Variants in PLPPR1 observed in about 807,000 individuals in gnomAD.
PLPPR1 encodes phospholipid phosphatase-related protein type 1.
A neutral mutation model predicts 33.1 loss-of-function variants in PLPPR1; 10 were observed. That is an observed-to-expected ratio of 0.30 (90% CI 0.19 to 0.51). The LOEUF is 0.51. PLPPR1 is among the 20% of genes least tolerant of loss of function. The probability of loss-of-function intolerance (pLI) is 0.97; values close to 1 mark genes in which losing one functional copy is unlikely to be tolerated. For synonymous variants in PLPPR1, 151 were observed against 151.0 expected, an observed-to-expected ratio of 1.00 and a Z score of 0.00; for missense variants, 304 against 408.1, an observed-to-expected ratio of 0.74 and a Z score of 2.20.
intron 3 of PLPPR1, among the ~76,000 whole-genome samples, chr9:101,276,492 A>G (rs1564024487): frequency 6.6e-6 from 1 of 152,110 alleles, no homozygotes; most frequent in Non-Finnish European, 1.5e-5. Flanking sequence ...TGACTAGATG[A>G]TTATGTTAAG....
At chr9:101,250,065 G>GT (rs1827689835) in intron 2 of PLPPR1, among the ~76,000 whole-genome samples, 1 of 152,066 alleles carries the variant, frequency 6.6e-6, no homozygotes, top group Non-Finnish European at 1.5e-5. Flanking sequence ...TGATAAAAAT[G>GT]TTTTTTAAAT....
At chr9:101,180,527 A>T (rs1826091899) in intron 1 of PLPPR1, among the ~76,000 whole-genome samples, 1 of 151,952 alleles carries the variant, frequency 6.6e-6, no homozygotes, top group Non-Finnish European at 1.5e-5. Context: ...TGGTCCTGGC[A>T]TTAAAAACAG....
At chr9:101,149,086 T>C (rs1386395786) in intron 1 of PLPPR1, among the ~76,000 whole-genome samples, 1 of 152,214 alleles carries the variant, frequency 6.6e-6, no homozygotes, top group African/African-American at 2.4e-5. Flanking sequence ...TGTTATGTAT[T>C]CTTGCAGAAA....
At chr9:101,087,195 T>A (rs898577889) in intron 1 of PLPPR1, among the ~76,000 whole-genome samples, 85 of 149,928 alleles carry the variant, frequency 5.7e-4, no homozygotes, top group African/African-American at 1.7e-3. Flanking sequence ...AAAAAAAAAA[T>A]AAAATAAAAA....
At chr9:101,073,087 A>T (rs1223737972) in intron 1 of PLPPR1, among the ~76,000 whole-genome samples, 1 of 152,178 alleles carries the variant, frequency 6.6e-6, no homozygotes, top group Non-Finnish European at 1.5e-5. Flanking sequence ...AAACAAAGAC[A>T]ATTGGAGAGG....
rs1474731822 is a variant in PLPPR1 at position 101,268,126 on chromosome 9, T to G, written c.64-1754T>G. ...TTGTGGGTAGGGGAGGGGGGAGAGA[T>G]AGCATTAGGAGATATACCTAATGTA... On this transcript the variant is annotated intron_variant, in intron 2 of 7. Coordinates refer to ENST00000374874, the MANE Select transcript of PLPPR1 (RefSeq NM_207299.2). 2.6e-5 allele frequency among the ~76,000 whole-genome samples: 4 copies of G among 151,692 alleles called. No individual in the cohort carries two copies. The East Asian group carries it at 7.7e-4, about 29-fold the overall frequency.
rs1349696756 is a variant in PLPPR1 at position 101,228,236 on chromosome 9, C to G, written c.64-41644C>G. On this transcript the variant is annotated intron_variant, in intron 2 of 7. Transcript: ENST00000374874. ...GAGAAAAATAATGTTGCAAACTCCC[C>G]TCACCCACATGCCCACGGCAGGTGT... is the stretch of plus-strand genomic sequence containing the variant. 4.6e-5 allele frequency among the ~76,000 whole-genome samples: 7 copies of G among 152,248 alleles called. No individual in the cohort carries two copies. In the East Asian group the frequency reaches 1.4e-3, roughly 29 times the overall value.
intron 1 of PLPPR1, among the ~76,000 whole-genome samples, chr9:101,182,894 C>T (rs903497213): frequency 2.0e-5 from 3 of 151,554 alleles, no homozygotes; most frequent in Admixed American, 6.6e-5. Flanking sequence ...TGGAAAGATG[C>T]TCAACATAAT....
intron 1 of PLPPR1, among the ~76,000 whole-genome samples, chr9:101,113,541 T>A (rs1831082721): frequency 6.6e-6 from 1 of 152,176 alleles, no homozygotes; most frequent in Admixed American, 6.5e-5. Flanking sequence ...TACAATTACA[T>A]TCCTAATAGG....
chr9:101,246,107 T>TATATATATAG (rs1827606259), intron 2 of PLPPR1, among the ~76,000 whole-genome samples: 1 of 98,302 alleles, frequency 1.0e-5, no homozygotes, highest in Non-Finnish European at 2.3e-5. Context: ...TATATATATA[T>TATATATATAG]ATAGATAGAT....
intron 6 of PLPPR1, among the ~76,000 whole-genome samples, chr9:101,313,716 T>G (rs907218657): frequency 6.6e-6 from 1 of 152,194 alleles, no homozygotes; most frequent in Admixed American, 6.5e-5. Context: ...TAATTTTTAT[T>G]CTTTTTGCCT....
chr9:101,126,477 A>G (rs529900079), intron 1 of PLPPR1, among the ~76,000 whole-genome samples: 1 of 152,176 alleles, frequency 6.6e-6, no homozygotes, highest in South Asian at 2.1e-4. Flanking sequence ...ACTGCCTGCC[A>G]CGGCGGGAGA....
chr9:101,236,536 T>TCACACACACACACACACACACACA (rs60508436), intron 2 of PLPPR1, among the ~76,000 whole-genome samples: 1 of 148,586 alleles, frequency 6.7e-6, no homozygotes, highest in South Asian at 2.1e-4. Context: ...CTCTCTAAAC[T>TCACACACACACACACACACACACA]CACACACACA....
chr9:101,042,795 G>A (rs945240562), intron 1 of PLPPR1, among the ~76,000 whole-genome samples: 1 of 152,116 alleles, frequency 6.6e-6, no homozygotes, highest in Non-Finnish European at 1.5e-5. Flanking sequence ...AAAAATAATT[G>A]TTTGATTATT....
intron 1 of PLPPR1, among the ~76,000 whole-genome samples, chr9:101,127,977 T>G (rs918905472): frequency 7.9e-5 from 12 of 152,130 alleles, no homozygotes; most frequent in Non-Finnish European, 1.6e-4. Flanking sequence ...CATCAGATAT[T>G]GGGCTGTGTA....
chr9:101,222,999 G>T (rs1295509013), intron 2 of PLPPR1, among the ~76,000 whole-genome samples: 1 of 151,812 alleles, frequency 6.6e-6, no homozygotes, highest in Non-Finnish European at 1.5e-5. Context: ...CCATCTAAGA[G>T]TATGAAGAAA....
At chr9:101,319,791 G>A (rs1157618324) in intron 7 of PLPPR1, among the ~76,000 whole-genome samples, 1 of 152,116 alleles carries the variant, frequency 6.6e-6, no homozygotes, top group East Asian at 1.9e-4. Context: ...TTTTGGGGTG[G>A]TAAAATGAAA....
At chr9:101,180,091 CCTTTATATATATATAT>C (rs1290927363) in intron 1 of PLPPR1, among the ~76,000 whole-genome samples, 1 of 93,874 alleles carries the variant, frequency 1.1e-5, no homozygotes, top group Admixed American at 1.4e-4. Context: ...AATAAACTCT[CCTTTATATATATATAT>C]ATATATATAT....
At chr9:101,190,263 C>T (rs1826273570) in intron 2 of PLPPR1, among the ~76,000 whole-genome samples, 1 of 152,154 alleles carries the variant, frequency 6.6e-6, no homozygotes, top group African/African-American at 2.4e-5. Flanking sequence ...GGAATGTTTT[C>T]ATGCCATTTT....
Sources: allele counts gnomAD v4.1 joint callset (sites outside exome capture counted in the v4.1 genomes callset), GRCh38; gene constraint gnomAD v4.1.1; transcripts MANE v1.5; gene names NCBI Gene and HGNC (gene_info 2026-07-23, HGNC 2026-07-21).